SH3D19: variants seen among roughly 807,000 people sequenced by gnomAD.
SH3D19 encodes the protein SH3 domain containing 19.
SH3D19 carries 58 observed loss-of-function variants against 112.1 expected under a neutral mutation model. The ratio of observed to expected loss-of-function variants is 0.52; its 90% CI spans 0.42 to 0.64. SH3D19 has a LOEUF of 0.64. SH3D19 is among the 30% of genes least tolerant of loss of function. The pLI is 0.00. For missense variants in SH3D19, 1,090 were observed against 1,263.4 expected, an observed-to-expected ratio of 0.86 and a Z score of 2.08; for synonymous variants, 391 against 448.5, an observed-to-expected ratio of 0.87 and a Z score of 1.62.
chr4:151,226,011 C>CT (rs879516155), intron 2 of SH3D19, 36 bp downstream of exon 2: 70 of 1,211,906 alleles, frequency 5.8e-5, no homozygotes, highest in Non-Finnish European at 6.6e-5. Context: ...AAATAAGAAG[C>CT]TTTATACAGA....
At chr4:151,245,999 G>A (rs1167272513) in intron 1 of SH3D19, among the ~76,000 whole-genome samples, 1 of 146,318 alleles carries the variant, frequency 6.8e-6, no homozygotes, top group Non-Finnish European at 1.5e-5. Context: ...AAATAAGTAA[G>A]ATTGGAAAGA....
chr4:151,212,925 G>A (rs1423537488), intron 2 of SH3D19, among the ~76,000 whole-genome samples: 1 of 152,200 alleles, frequency 6.6e-6, no homozygotes, highest in East Asian at 1.9e-4. Flanking sequence ...AACATTAACA[G>A]GAGTTTGGAA....
chr4:151,268,131 A>G (rs1275155438), intron 1 of SH3D19, among the ~76,000 whole-genome samples: 1 of 152,216 alleles, frequency 6.6e-6, no homozygotes, highest in Non-Finnish European at 1.5e-5. Context: ...CCTAGGTTAC[A>G]TGCTATAGTC....
intron 1 of SH3D19, among the ~76,000 whole-genome samples, chr4:151,246,683 C>G (rs963626845): frequency 3.9e-5 from 6 of 152,106 alleles, no homozygotes; most frequent in African/African-American, 1.4e-4. Context: ...CAGGTACTTA[C>G]CTAACTGCTT....
In SH3D19 at chr4:151,149,481, T is replaced by G. The variant is rs3792611; in HGVS notation, c.1817+19A>C. Reference sequence around the variant, plus strand: ...TCTGAGTCATTAATTTTTCTCTAACTTTTCCCACATTTACTTACCTCGGTG... The same window carrying G: ...TCTGAGTCATTAATTTTTCTCTAACGTTTCCCACATTTACTTACCTCGGTG... On this transcript the variant is annotated intron_variant, in intron 10 of 19. Transcript: ENST00000604030. 1.2e-6 allele frequency: 2 copies of G among 1,603,974 alleles called. No individual in the cohort carries two copies. Among genetic ancestry groups the G allele is most frequent in the South Asian group, 1.1e-5 (1 of 89,734 alleles).
intron 2 of SH3D19, among the ~76,000 whole-genome samples, chr4:151,199,066 T>C (rs1348245916): frequency 4.0e-5 from 6 of 150,774 alleles, no homozygotes; most frequent in African/African-American, 1.5e-4. Context: ...TCCCATTAGA[T>C]ACCAAGAACA....
intron 2 of SH3D19, among the ~76,000 whole-genome samples, chr4:151,213,322 G>T (rs564710328): frequency 6.6e-6 from 1 of 152,148 alleles, no homozygotes; most frequent in Admixed American, 6.5e-5. Context: ...AGAGTCAATC[G>T]ATGTGGCAAA....
intron 2 of SH3D19, among the ~76,000 whole-genome samples, chr4:151,203,405 G>C (rs1764673254): frequency 6.6e-6 from 1 of 152,162 alleles, no homozygotes; most frequent in Non-Finnish European, 1.5e-5. Context: ...GCTTCAAAAA[G>C]GAATAAACTT....
At chr4:151,126,921 T>A (rs983772348) in intron 19 of SH3D19, among the ~76,000 whole-genome samples, 1 of 143,076 alleles carries the variant, frequency 7.0e-6, no homozygotes, top group African/African-American at 2.6e-5. Flanking sequence ...CTTTTGGGAC[T>A]ATTTCCCCAA....
intron 2 of SH3D19, among the ~76,000 whole-genome samples, chr4:151,194,504 C>T (rs1763117194): frequency 6.7e-6 from 1 of 150,210 alleles, no homozygotes; most frequent in South Asian, 2.1e-4. Flanking sequence ...ATTTTTCAAA[C>T]TTTTGTCTTT....
chr4:151,304,918 C>T (rs887078564), intron 1 of SH3D19, among the ~76,000 whole-genome samples: 1 of 152,050 alleles, frequency 6.6e-6, no homozygotes, highest in South Asian at 2.1e-4. Context: ...AACACAAGAG[C>T]CCATCTGCAT....
intron 1 of SH3D19, among the ~76,000 whole-genome samples, chr4:151,271,192 C>T (rs368543632): frequency 6.6e-6 from 1 of 152,142 alleles, no homozygotes; most frequent in African/African-American, 2.4e-5. Context: ...CCCCAAAGGC[C>T]TAGGATTATA....
At chr4:151,198,384 A>AC (rs1763856626) in intron 2 of SH3D19, among the ~76,000 whole-genome samples, 1 of 7,336 alleles carries the variant, frequency 1.4e-4, no homozygotes. Flanking sequence ...AAATTATATA[A>AC]TATATAATAT....
intron 1 of SH3D19, chr4:151,279,873 A>G: frequency 1.2e-6 from 2 of 1,613,846 alleles, no homozygotes; most frequent in Middle Eastern, 1.7e-4. Flanking sequence ...TTGGCAGGTC[A>G]GCCTACACTT....
At chr4:151,122,827 T>C (rs544211966) in intron 19 of SH3D19, among the ~76,000 whole-genome samples, 1 of 152,000 alleles carries the variant, frequency 6.6e-6, no homozygotes, top group South Asian at 2.1e-4. Flanking sequence ...ATGAGTACTA[T>C]GTTATCCTCA....
At chr4:151,144,513 A>G (rs1753582965) in intron 11 of SH3D19, 2 of 538,566 alleles carry the variant, frequency 3.7e-6, no homozygotes, top group South Asian at 5.2e-5. Flanking sequence ...AGAGCTAAAC[A>G]TGGCCTAACA....
chr4:151,121,611 T>G lies in SH3D19; in HGVS notation c.*480A>C, dbSNP rs1382009084. Reference sequence around the variant, plus strand: ...GAAGGATTTGCTCTGGTAATAAGGCTGATATGCTCAAGCTGTAAGAATTAA... The same window carrying G: ...GAAGGATTTGCTCTGGTAATAAGGCGGATATGCTCAAGCTGTAAGAATTAA... On this transcript the variant is annotated 3_prime_UTR_variant, in exon 20 of 20. Coordinates refer to ENST00000604030, the MANE Select transcript of SH3D19 (RefSeq NM_001378122.1). The G allele has an allele frequency of 6.6e-6, 1 of 152,408 alleles. No individual in the cohort carries two copies. Among genetic ancestry groups the G allele is most frequent in the African/African-American group, 2.4e-5 (1 of 41,460 alleles). 9.4% of individuals were successfully genotyped at this position (152,408 alleles called of 1,614,324 possible).
chr4:151,125,845 C>CTAAA (rs1749165677), intron 19 of SH3D19, among the ~76,000 whole-genome samples: 1 of 94,238 alleles, frequency 1.1e-5, no homozygotes, highest in Non-Finnish European at 2.1e-5. Context: ...ATCTCAAAAA[C>CTAAA]AAAAAAAAAA....
chr4:151,255,215 T>C (rs1447658401), intron 1 of SH3D19, among the ~76,000 whole-genome samples: 1 of 145,650 alleles, frequency 6.9e-6, no homozygotes, highest in Non-Finnish European at 1.5e-5. Context: ...GCGGAGAGGC[T>C]CCTCACTTCT....
Sources: allele counts gnomAD v4.1 joint callset (sites outside exome capture counted in the v4.1 genomes callset), GRCh38; gene constraint gnomAD v4.1.1; transcripts MANE v1.5; gene names NCBI Gene and HGNC (gene_info 2026-07-23, HGNC 2026-07-21).